The following PNLDC1 variants were observed in gnomAD, a reference collection of about 807,000 sequenced individuals.
PNLDC1 encodes the protein poly(A)-specific ribonuclease PNLDC1.
Under a neutral mutation model 82.0 loss-of-function variants are expected in PNLDC1, and 70 were observed. The ratio of observed to expected loss-of-function variants is 0.85; its 90% CI spans 0.70 to 1.04. The LOEUF is 1.04. Ranked by LOEUF, PNLDC1 falls within the 50% of genes least tolerant of loss-of-function variation. The pLI is 0.00. For synonymous variants in PNLDC1, 280 were observed against 249.3 expected (o/e 1.12, Z -1.16); for missense variants, 631 against 661.1 (o/e 0.95, Z 0.50).
At chr6:159,818,801 A>G (rs1781932665) in intron 16 of PNLDC1, 145 bp from the exon 17 acceptor site, 2 of 1,207,006 alleles carry the variant, frequency 1.7e-6, no homozygotes, top group East Asian at 2.4e-5. Flanking sequence ...ATGTTTCTCC[A>G]CTAAAGCCAA....
Position 159,820,559 on chromosome 6 carries a change from T to G in PNLDC1, c.*42T>G. 6.3e-7 allele frequency: 1 copy of G among 1,578,090 alleles called. No homozygotes were observed. Among genetic ancestry groups the G allele is most frequent in the Non-Finnish European group, 8.7e-7 (1 of 1,147,816 alleles). ...TGCGGCCACCCTCGGGTCCCCATGC[T>G]CTCTGGGAGGTGTGCTGGGTGTGTT... is the stretch of plus-strand genomic sequence containing the variant. On this transcript the variant is annotated 3_prime_UTR_variant, in exon 19 of 19. Coordinates refer to ENST00000392167, the MANE Select transcript of PNLDC1 (RefSeq NM_001271862.2).
At chr6:159,804,175 G>A in intron 5 of PNLDC1, 87 bp downstream of exon 5, 1 of 1,483,862 alleles carries the variant, frequency 6.7e-7, no homozygotes, top group Non-Finnish European at 9.1e-7. Context: ...GGAGTGCAGT[G>A]GTGCAATCTT....
chr6:159,810,083 A>G lies in PNLDC1; in HGVS notation c.841A>G (p.Arg281Gly). 6.2e-7 allele frequency: 1 copy of G among 1,613,978 alleles called. No homozygotes were observed. Among genetic ancestry groups the G allele is most frequent in the Non-Finnish European group, 8.5e-7 (1 of 1,179,816 alleles). The change falls in exon 10 of 19, where the codon AGA (arginine) becomes GGA (glycine). Residue 281 changes from arginine to glycine, a missense_variant. Coordinates refer to ENST00000392167, the MANE Select transcript of PNLDC1 (RefSeq NM_001271862.2). ...GCTGCACCTCCATGAGAAGTTCTTC[A>G]GACCCCTCCCAGGTAGGGGCAAACC... The part of the protein sequence containing the change: ...DLLHLHEKFF[R>G]PLPESYDQFK...
chr6:159,818,508 A>ATG, intron 15 of PNLDC1, 47 bp from the exon 16 acceptor site: 1 of 1,545,970 alleles, frequency 6.5e-7, no homozygotes, highest in Non-Finnish European at 8.9e-7. Flanking sequence ...GAGGAAGTGG[A>ATG]TGAACTTCTG....
At position 159,819,109 on chromosome 6, in the gene PNLDC1, A is replaced by G. The variant is rs750526390; in HGVS notation, c.1421A>G (p.Asn474Ser). Residue 474 changes from asparagine to serine, a missense_variant, in exon 17 of 19, where the codon AAT becomes AGT. Asn to Ser is a conservative substitution (Grantham distance 46). Transcript: ENST00000392167. This position sits in a 1 kb window ranked among gnomAD's most constrained non-coding sequence, Gnocchi z 4.6. ...LTRSQFLLLT[N>S]KFKDARNILK... ...AGAAGCCAGTTCTTACTCCTGACCA[A>G]TAAGTTTAAGGAGTAGGTGCCTCTA... 4 of 1,613,896 alleles carry G rather than the reference A, an allele frequency of 2.5e-6. No individual in the cohort carries two copies. The East Asian group carries it at 6.7e-5, about 27-fold the overall frequency.
At chr6:159,803,171 A>G (rs56130537) in intron 3 of PNLDC1, 100 bp from the exon 4 acceptor site, 44,644 of 1,045,990 alleles carry the variant, frequency 0.043, 1,106 homozygotes, top group Non-Finnish European at 0.053. Context: ...CCCACATAGT[A>G]TCTGTGGGCG....
intron 10 of PNLDC1, among the ~76,000 whole-genome samples, chr6:159,810,530 T>G (rs748323138): frequency 5.3e-5 from 8 of 152,192 alleles, no homozygotes; most frequent in Non-Finnish European, 1.0e-4. Context: ...AAATGCTGCT[T>G]CAGTGTCATG....
chr6:159,819,416 C>CCCAG lies in PNLDC1; in HGVS notation c.1532+66_1532+69dup. ...CCTGGAGTGCCCGGGGTCCCAGCAT[C>CCCAG]CCAGCATGGTCTGACTCGAGCACAG... On this transcript the variant is annotated intron_variant, in intron 18 of 18. Coordinates refer to ENST00000392167, the MANE Select transcript of PNLDC1 (RefSeq NM_001271862.2). This position sits in a 1 kb window ranked among gnomAD's most constrained non-coding sequence, Gnocchi z 4.6. 7.0e-7 allele frequency: 1 copy of CCCAG among 1,422,478 alleles called. No homozygotes were observed. The highest frequency in any genetic ancestry group is 1.4e-5 in the African/African-American group (1 of 70,552). The allele number at this position is 1,422,478 out of a possible 1,614,324, so 88.1% of individuals were successfully genotyped here. A position where few individuals can be genotyped will look rare whatever the true frequency, so the allele number is the denominator to read the frequency against.
chr6:159,817,632 T>C (rs1379546072), intron 15 of PNLDC1, among the ~76,000 whole-genome samples: 1 of 152,208 alleles, frequency 6.6e-6, no homozygotes, highest in Non-Finnish European at 1.5e-5. Flanking sequence ...CATTTCCCCA[T>C]GGCAACACCA....
At chr6:159,802,487 G>T (rs1009878816) in intron 3 of PNLDC1, among the ~76,000 whole-genome samples, 2 of 148,796 alleles carry the variant, frequency 1.3e-5, no homozygotes, top group South Asian at 4.2e-4. Context: ...TTCTGTTATG[G>T]TTTTTTTTTT....
intron 12 of PNLDC1, among the ~76,000 whole-genome samples, chr6:159,815,430 T>G (rs1781780728): frequency 6.6e-6 from 1 of 152,246 alleles, no homozygotes. Context: ...CACAAAGGCT[T>G]CAGCCCCACT....
In PNLDC1 at chr6:159,800,291, C is replaced by A; in HGVS notation, c.-17C>A. 1 of 1,543,570 alleles carries A rather than the reference C, an allele frequency of 6.5e-7. No homozygotes were observed. Among genetic ancestry groups the A allele is most frequent in the Non-Finnish European group, 8.7e-7 (1 of 1,143,178 alleles). On this transcript the variant is annotated 5_prime_UTR_variant, in exon 1 of 19. Coordinates refer to ENST00000392167, the MANE Select transcript of PNLDC1 (RefSeq NM_001271862.2). Reference sequence around the variant, plus strand: ...AGCACGTGATAGCGCTGGGCGACTCCGCGGAGCTGCACGGCCATGGACGTG... The same window carrying A: ...AGCACGTGATAGCGCTGGGCGACTCAGCGGAGCTGCACGGCCATGGACGTG...
intron 6 of PNLDC1, 72 bp downstream of exon 6, chr6:159,804,709 G>T: frequency 8.5e-7 from 1 of 1,179,402 alleles, no homozygotes; most frequent in African/African-American, 1.5e-5. Flanking sequence ...GGGCGGGCGT[G>T]CCGTTTCCAG....
At chr6:159,811,618 T>G in intron 10 of PNLDC1, 83 bp from the exon 11 acceptor site, 1 of 1,070,326 alleles carries the variant, frequency 9.3e-7, no homozygotes, top group East Asian at 2.4e-5. Context: ...TCAGTGCCAG[T>G]GGCAAGCTAG....
intron 15 of PNLDC1, 35 bp downstream of exon 15, chr6:159,817,186 C>T (rs756414504): frequency 5.4e-5 from 86 of 1,586,752 alleles, no homozygotes; most frequent in African/African-American, 1.5e-4. Context: ...ACTGTTCAAT[C>T]GGTGGTCAGG....
In PNLDC1 at chr6:159,819,952, G is replaced by A. The variant is rs996951519; in HGVS notation, c.1533-502G>A. Among the ~76,000 whole-genome samples, 1 of 152,140 alleles carries A rather than the reference G, an allele frequency of 6.6e-6. No homozygotes were observed. Among genetic ancestry groups the A allele is most frequent in the African/African-American group, 2.4e-5 (1 of 41,430 alleles). On this transcript the variant is annotated intron_variant, in intron 18 of 18. Coordinates refer to ENST00000392167, the MANE Select transcript of PNLDC1 (RefSeq NM_001271862.2). The surrounding 1 kb of genome is among the most constrained non-coding windows in gnomAD (Gnocchi z 4.6). Reference sequence around the variant, plus strand: ...GGAATCGCGGAAGTTACAGCAAGAAGGTCTATAACCCGACTCAGGTTGTCT... The same window carrying A: ...GGAATCGCGGAAGTTACAGCAAGAAAGTCTATAACCCGACTCAGGTTGTCT...
chr6:159,812,168 G>A (rs1355900032), intron 11 of PNLDC1, among the ~76,000 whole-genome samples: 1 of 152,146 alleles, frequency 6.6e-6, no homozygotes, highest in African/African-American at 2.4e-5. Context: ...CCAAAGTGCT[G>A]GGATTACAGG....
Position 159,809,114 on chromosome 6 carries a change from A to G in PNLDC1, c.739A>G (p.Arg247Gly), listed in dbSNP as rs1447662332. The G allele has an allele frequency of 6.2e-7, 1 of 1,614,146 alleles. No individual in the cohort carries two copies. The change falls in exon 9 of 19, where the codon AGG becomes GGG. Residue 247 changes from arginine to glycine, a missense_variant. Transcript: ENST00000392167. Reference protein sequence around the residue: ...CWKENILLSARGFSVFFQMLV... With the variant: ...CWKENILLSAGGFSVFFQMLV... ...GAAGGAAAATATTCTTCTCTCAGCA[A>G]GGGGTTTTTCTGTCTTTTTCCAAAT...
At chr6:159,803,367 C>A (rs1244776496) in intron 4 of PNLDC1, 57 bp downstream of exon 4, 42 of 1,532,946 alleles carry the variant, frequency 2.7e-5, no homozygotes, top group Non-Finnish European at 3.6e-5. Context: ...TCCACAGCTG[C>A]CACCTTCAAA....
Sources: gnomAD v4.1 joint callset for allele counts (sites outside exome capture counted in the v4.1 genomes callset) on GRCh38, gnomAD v4.1.1 for gene constraint, Gnocchi (gnomAD v3.1) non-coding constraint, MANE v1.5 for transcripts, NCBI Gene and HGNC (gene_info 2026-07-23, HGNC 2026-07-21) for gene names.